The following NOL6 variants were observed in gnomAD, a reference collection of about 807,000 sequenced individuals.
The protein encoded by NOL6 is nucleolar protein 6.
A neutral mutation model predicts 131.7 loss-of-function variants in NOL6; 33 were observed. That is an observed-to-expected ratio of 0.25 (90% confidence interval 0.19 to 0.33). The LOEUF is 0.33. Ranked by LOEUF, NOL6 falls within the 10% of genes least tolerant of loss-of-function variation. The pLI, the probability that NOL6 is intolerant of heterozygous loss-of-function variation, is 1.00. For missense variants in NOL6, 1,297 were observed against 1,494.5 expected (o/e 0.87, Z 2.18); for synonymous variants, 580 against 605.7 (o/e 0.96, Z 0.62).
At position 33,467,769 on chromosome 9, in the gene NOL6, G is replaced by T. The variant is rs769504966; in HGVS notation, c.1524C>A (p.Gly508=). Residue 508 remains glycine (G), a synonymous_variant, in exon 12 of 26, where the codon GGC becomes GGA. Coordinates refer to ENST00000297990, the MANE Select transcript of NOL6 (RefSeq NM_022917.5). This position sits in a 1 kb window ranked among gnomAD's most constrained non-coding sequence, Gnocchi z 4.4. ...NGGDYVSAAL[G]PLTTLLEQGL... ...CCTGCTCCAGGAGGGTGGTCAGGGGGCCCAAAGCAGCTGAGACATAGTCCC... is the reference window on the plus strand; with the variant it reads ...CCTGCTCCAGGAGGGTGGTCAGGGGTCCCAAAGCAGCTGAGACATAGTCCC... 1.9e-6 allele frequency: 3 copies of T among 1,611,066 alleles called. No individual in the cohort carries two copies. Among genetic ancestry groups the T allele is most frequent in the South Asian group, 1.1e-5 (1 of 90,678 alleles).
chr9:33,465,693 G>T, intron 19 of NOL6, 41 bp downstream of exon 19: 1 of 1,590,086 alleles, frequency 6.3e-7, no homozygotes. Context: ...GGGGGCAGGA[G>T]GGGGCCTACA....
chr9:33,465,182 C>G, intron 20 of NOL6, 25 bp downstream of exon 20: 4 of 1,577,290 alleles, frequency 2.5e-6, no homozygotes, highest in Non-Finnish European at 3.4e-6. Flanking sequence ...AACTTCTCAG[C>G]TGGGGAAAAA....
Position 33,467,044 on chromosome 9 carries a change from G to C in NOL6, c.1875-57C>G. On this transcript the variant is annotated intron_variant, in intron 14 of 25. Coordinates refer to ENST00000297990, the MANE Select transcript of NOL6 (RefSeq NM_022917.5). This position sits in a 1 kb window ranked among gnomAD's most constrained non-coding sequence, Gnocchi z 4.4. Reference sequence around the variant, plus strand: ...TTTGGGGCTATGTTCTCGCTCAACTGCCTGGGCCAGACCCCTGAAAAGGCT... The same window carrying C: ...TTTGGGGCTATGTTCTCGCTCAACTCCCTGGGCCAGACCCCTGAAAAGGCT... 1 of 1,613,484 alleles carries C rather than the reference G, an allele frequency of 6.2e-7. No homozygotes were observed. The highest frequency in any genetic ancestry group is 1.7e-5 in the Admixed American group (1 of 59,990).
Position 33,466,124 on chromosome 9 carries a change from G to A in NOL6, c.2311C>T (p.Gln771Ter). 1 of 1,612,724 alleles carries A rather than the reference G, an allele frequency of 6.2e-7. No homozygotes were observed. The highest frequency in any genetic ancestry group is 8.5e-7 in the Non-Finnish European group (1 of 1,179,258). Residue 771 changes from glutamine to a stop codon, truncating the protein, a stop_gained, in exon 18 of 26, where the codon CAA becomes TAA. Coordinates refer to ENST00000297990, the MANE Select transcript of NOL6 (RefSeq NM_022917.5). LOFTEE classifies it high-confidence loss of function. The stretch of plus-strand genomic sequence containing the variant: ...GCACGGCACTGCAGACCATGCTGTT[G>A]TGTCAACAGCTCTGCCAGGCGCAGC... ...FQLRLAELLT[Q>*]QHGLQCRATA... is the part of the protein sequence containing the mutation.
rs376796687 is a variant in NOL6, at chr9:33,463,222, G to A, written c.3189+25C>T. ...GCTTCACCTGGAAGTCCCCTCCCCA[G>A]GTCATTCAGCTGTTTAGGACCAACC... On this transcript the variant is annotated intron_variant, in intron 24 of 25. Transcript: ENST00000297990. 5 of 1,612,752 alleles carry A rather than the reference G, an allele frequency of 3.1e-6. No individual in the cohort carries two copies. In the East Asian group the frequency reaches 6.7e-5, roughly 22 times the overall value.
chr9:33,467,246 T>C lies in NOL6; in HGVS notation c.1742A>G (p.Gln581Arg), dbSNP rs1827272741. 1 of 1,614,044 alleles carries C rather than the reference T, an allele frequency of 6.2e-7. No individual in the cohort carries two copies. Residue 581 changes from glutamine (Q) to arginine (R), a missense_variant, in exon 14 of 26, where the codon CAG becomes CGG. Gln to Arg is a conservative substitution (Grantham distance 43, BLOSUM62 1). Transcript: ENST00000297990. This position sits in a 1 kb window ranked among gnomAD's most constrained non-coding sequence, Gnocchi z 4.4. ...ADQPEAAKFR[Q>R]FWGSRSELRR... ...AAGCTCCGAGCGGGATCCCCAGAAC[T>C]GGCGGAATTTAGCAGCCTGAGGAGG... is the stretch of plus-strand genomic sequence containing the variant.
Position 33,462,167 on chromosome 9 carries a change from T to C in NOL6, c.*497A>G. 1 of 717,472 alleles carries C rather than the reference T, an allele frequency of 1.4e-6. No homozygotes were observed. The highest frequency in any genetic ancestry group is 2.6e-6 in the Non-Finnish European group (1 of 385,086). The allele number at this position is 717,472 out of a possible 1,614,324, so 44.4% of individuals were successfully genotyped here. On this transcript the variant is annotated 3_prime_UTR_variant, in exon 26 of 26. Transcript: ENST00000297990. ...CATATAGCCCCTTTCCACTGCTCAGTGTCGGTGATGTGACTCAGAAGGGCC... is the reference window on the plus strand; with the variant it reads ...CATATAGCCCCTTTCCACTGCTCAGCGTCGGTGATGTGACTCAGAAGGGCC...
At position 33,463,836 on chromosome 9, in the gene NOL6, T is replaced by C; in HGVS notation, c.2989A>G (p.Ile997Val). 6.2e-7 allele frequency: 1 copy of C among 1,613,990 alleles called. No individual in the cohort carries two copies. The highest frequency in any genetic ancestry group is 1.1e-5 in the South Asian group (1 of 91,080). The change falls in exon 23 of 26, where the codon ATC becomes GTC. Residue 997 changes from isoleucine to valine, a missense_variant. Coordinates refer to ENST00000297990, the MANE Select transcript of NOL6 (RefSeq NM_022917.5). ...ACTGCTGGTCAGAAGCTTACCCTGA[T>C]GTCCCCAGGTCCCCGGGGATCCATG... ...QLMDPRGPGD[I>V]RTVFRPPLDI... is the part of the protein sequence containing the mutation.
intron 1 of NOL6, 41 bp downstream of exon 1, chr9:33,473,748 C>G (rs758468956): frequency 1.2e-6 from 2 of 1,606,102 alleles, no homozygotes; most frequent in Non-Finnish European, 1.7e-6. Flanking sequence ...GCCAAGGGAG[C>G]GCACATTGAG....
chr9:33,473,359 C>T (rs181745345), intron 1 of NOL6, among the ~76,000 whole-genome samples: 6 of 152,342 alleles, frequency 3.9e-5, no homozygotes, highest in Non-Finnish European at 8.8e-5. Flanking sequence ...CCCCTACAGC[C>T]GTGGGCCCAT....
chr9:33,469,561 C>T lies in NOL6; in HGVS notation c.665G>A (p.Ser222Asn). The change falls in exon 5 of 26, where the codon AGT becomes AAT. Residue 222 changes from serine to asparagine, a missense_variant. Coordinates refer to ENST00000297990, the MANE Select transcript of NOL6 (RefSeq NM_022917.5). ...HHLAQDPLFGSVCFSYTNGCH... is the reference protein window; with the variant it reads ...HHLAQDPLFGNVCFSYTNGCH... ...GCCATTTGTGTAGGAGAAGCAAACA[C>T]TGCCAAAGAGGGGGTCCTGGGCCAG... 1 of 1,609,086 alleles carries T rather than the reference C, an allele frequency of 6.2e-7. No homozygotes were observed. Among genetic ancestry groups the T allele is most frequent in the Non-Finnish European group, 8.5e-7 (1 of 1,178,644 alleles).
chr9:33,465,699 C>T, intron 19 of NOL6, 35 bp downstream of exon 19: 2 of 1,597,400 alleles, frequency 1.3e-6, no homozygotes, highest in South Asian at 2.2e-5. Context: ...AGGAGGGGGC[C>T]TACAGACAGG....
chr9:33,467,438 G>C lies in NOL6; in HGVS notation c.1681C>G (p.Leu561Val), dbSNP rs1247417355. The C allele has an allele frequency of 6.2e-7, 1 of 1,614,084 alleles. No individual in the cohort carries two copies. The highest frequency in any genetic ancestry group is 8.5e-7 in the Non-Finnish European group (1 of 1,180,036). ...GGACCCAGCTCAAGGACGCTGGTCA[G>C]TCCCTCAGGCCGGAGAAGGAGTCCC... is the stretch of plus-strand genomic sequence containing the variant. ...TLGLLLRPEG[L>V]TSVLELGPEA... The change falls in exon 13 of 26, where the codon CTG becomes GTG. Residue 561 changes from leucine to valine, a missense_variant. Coordinates refer to ENST00000297990, the MANE Select transcript of NOL6 (RefSeq NM_022917.5). This position sits in a 1 kb window ranked among gnomAD's most constrained non-coding sequence, Gnocchi z 4.4.
At position 33,470,062 on chromosome 9, in the gene NOL6, T is replaced by C; in HGVS notation, c.508A>G (p.Thr170Ala). The stretch of plus-strand genomic sequence containing the variant: ...ACATTGATGTCTGGTCGGATGCAGG[T>C]GCCCAGAAGGTAGCTGCCCACAACA... ...VTVVGSYLLG[T>A]CIRPDINVDV... The change falls in exon 4 of 26, where the codon ACC becomes GCC. Residue 170 changes from threonine to alanine, a missense_variant. By Grantham distance (58) the Thr-to-Ala change is moderately conservative. Coordinates refer to ENST00000297990, the MANE Select transcript of NOL6 (RefSeq NM_022917.5). 1 of 1,612,032 alleles carries C rather than the reference T, an allele frequency of 6.2e-7. No individual in the cohort carries two copies. The highest frequency in any genetic ancestry group is 8.5e-7 in the Non-Finnish European group (1 of 1,178,804).
At chr9:33,464,643 C>T (rs1056418046) in intron 21 of NOL6, among the ~76,000 whole-genome samples, 1 of 152,158 alleles carries the variant, frequency 6.6e-6, no homozygotes, top group African/African-American at 2.4e-5. Context: ...TCTCCTCTTC[C>T]TTCCACAGCC....
rs770065148 is a variant in NOL6, at chr9:33,466,175, C to G, written c.2260G>C (p.Val754Leu). Residue 754 changes from valine (V) to leucine (L), a missense_variant, in exon 18 of 26, where the codon GTG (valine) becomes CTG (leucine). Physicochemically the swap from Val to Leu is conservative, Grantham distance 32 (BLOSUM62 1). Coordinates refer to ENST00000297990, the MANE Select transcript of NOL6 (RefSeq NM_022917.5). ...SGQWPQDAEA[V>L]QRVRAAFQLR... ...TGGAAGGCAGCTCGGACCCGCTGCA[C>G]GGCCTCAGCGTCCTGTGGCCACTGG... 4 of 1,612,844 alleles carry G rather than the reference C, an allele frequency of 2.5e-6. No homozygotes were observed. The highest frequency in any genetic ancestry group is 3.4e-6 in the Non-Finnish European group (4 of 1,179,672).
Position 33,463,592 on chromosome 9 carries a change from C to T in NOL6, c.2995-151G>A, listed in dbSNP as rs1030948803. On this transcript the variant is annotated intron_variant, in intron 23 of 25. Transcript: ENST00000297990. ...CATTTGAAGACTGAAGCACCAAGAC[C>T]CACAGAGCAAACAGCTGTTGCATAG... 20 of 804,912 alleles carry T rather than the reference C, an allele frequency of 2.5e-5. No homozygotes were observed. The African/African-American group carries it at 3.5e-4, about 14-fold the overall frequency. 49.9% of individuals were successfully genotyped at this position (804,912 alleles called of 1,614,324 possible). A position where few individuals can be genotyped will look rare whatever the true frequency, so the allele number is the denominator to read the frequency against.
chr9:33,469,883 G>T, intron 4 of NOL6, 129 bp downstream of exon 4: 1 of 1,093,088 alleles, frequency 9.1e-7, no homozygotes, highest in Non-Finnish European at 1.3e-6. Flanking sequence ...CAGGATGCCT[G>T]CAATGGTCTG....
Position 33,469,057 on chromosome 9 carries a change from G to C in NOL6, c.927C>G (p.Ser309=), listed in dbSNP as rs757052407. The C allele has an allele frequency of 2.4e-5, 39 of 1,614,066 alleles. No individual in the cohort carries two copies. The East Asian group carries it at 8.2e-4, about 34-fold the overall frequency. The change falls in exon 7 of 26, where the codon TCC becomes TCG. Residue 309 remains serine, a synonymous_variant. Transcript: ENST00000297990. ...TWVLQDTVLE[S]HLQLLSTILS... is the part of the protein sequence containing the mutation. ...GAATGGTTGACAGCAGCTGCAAATG[G>C]GACTCGAGAACTGTATCTTGCAGGA... is the stretch of plus-strand genomic sequence containing the variant.
Sources: gnomAD v4.1 joint callset for allele counts (sites outside exome capture counted in the v4.1 genomes callset) on GRCh38, gnomAD v4.1.1 for gene constraint, Gnocchi (gnomAD v3.1) non-coding constraint, MANE v1.5 for transcripts, NCBI Gene and HGNC (gene_info 2026-07-23, HGNC 2026-07-21) for gene names.